Variants in GRIA3 observed in about 807,000 individuals in gnomAD.
GRIA3 encodes the protein glutamate receptor 3.
In GRIA3, 3 loss-of-function variants were observed where a neutral mutation model predicts 63.0. The observed-to-expected ratio is 0.05, with a 90% CI of 0.02 to 0.12. GRIA3 has a LOEUF of 0.12. Ranked by LOEUF, GRIA3 falls within the 10% of genes least tolerant of loss-of-function variation. The pLI is 1.00. For missense variants in GRIA3, 347 were observed against 700.9 expected (o/e 0.50, Z 5.70); for synonymous variants, 274 against 257.9 (o/e 1.06, Z -0.60).
At chrX:123,333,603 A>C (rs781370146) in intron 4 of GRIA3, among the ~76,000 whole-genome samples, 1 of 112,271 alleles carries the variant, frequency 8.9e-6, no homozygotes, top group South Asian at 3.7e-4. Flanking sequence ...TGATAGAATG[A>C]AAGATATTAG....
intron 5 of GRIA3, among the ~76,000 whole-genome samples, chrX:123,387,628 A>G (rs139517486): frequency 0.014 from 1,612 of 111,548 alleles, 35 homozygotes; most frequent in African/African-American, 0.05. Context: ...GTTTGTTGAG[A>G]GTTTTTATTA....
chrX:123,323,111 T>C (rs1308487298), intron 3 of GRIA3, among the ~76,000 whole-genome samples: 1 of 111,971 alleles, frequency 8.9e-6, no homozygotes, highest in East Asian at 2.8e-4. Flanking sequence ...CAGAAAATAA[T>C]ACCTGCTTCT....
Position 123,481,843 on chromosome X carries a change from GCA to G in GRIA3, c.2440-953_2440-952del, listed in dbSNP as rs1262814516. On this transcript the variant is annotated intron_variant, in intron 14 of 15. Coordinates refer to ENST00000620443, the MANE Select transcript of GRIA3 (RefSeq NM_007325.5). Reference sequence around the variant, plus strand: ...ACAGGCAGATAGCTTAGTCAGATTTGCACAGTTTGACCTGAAAGTCACTGACC... The same window carrying G: ...ACAGGCAGATAGCTTAGTCAGATTTGCAGTTTGACCTGAAAGTCACTGACC... Among the ~76,000 whole-genome samples the G allele has an allele frequency of 6.3e-5, 7 of 111,826 alleles. No individual in the cohort carries two copies. In the East Asian group the frequency reaches 2.0e-3, roughly 31 times the overall value.
At chrX:123,212,587 T>C (rs1305020870) in intron 2 of GRIA3, among the ~76,000 whole-genome samples, 1 of 111,903 alleles carries the variant, frequency 8.9e-6, no homozygotes, top group Non-Finnish European at 1.9e-5. Context: ...GAGTTTGCTG[T>C]TGTGTGCCAA....
intron 2 of GRIA3, among the ~76,000 whole-genome samples, chrX:123,247,839 C>T (rs922366411): frequency 1.8e-5 from 2 of 111,280 alleles, no homozygotes; most frequent in Non-Finnish European, 3.8e-5. Context: ...GGGAGGATAA[C>T]ACAATAGAGC....
At chrX:123,442,506 T>C (rs569411) in intron 12 of GRIA3, among the ~76,000 whole-genome samples, 22,950 of 110,827 alleles carry the variant, frequency 0.21, 1,686 homozygotes, top group South Asian at 0.28. Flanking sequence ...AATCCATAGA[T>C]AAAATGAGCT....
At chrX:123,374,044 G>C (rs1230449245) in intron 5 of GRIA3, among the ~76,000 whole-genome samples, 1 of 111,829 alleles carries the variant, frequency 8.9e-6, no homozygotes, top group East Asian at 2.8e-4. Flanking sequence ...AGGGTGTAAG[G>C]AAGGGATCCA....
At position 123,184,555 on chromosome X, in the gene GRIA3, T is replaced by G; in HGVS notation, c.20T>G (p.Met7Arg). MARQKK[M>R]GQSVLRAVFF... is the part of the protein sequence containing the mutation. ...CGTAGCATGGCCAGGCAGAAGAAAATGGGGCAAAGCGTGCTCCGGGCGGTC... is the reference window on the plus strand; with the variant it reads ...CGTAGCATGGCCAGGCAGAAGAAAAGGGGGCAAAGCGTGCTCCGGGCGGTC... The change falls in exon 1 of 16, where the codon ATG becomes AGG. Residue 7 changes from methionine to arginine, a missense_variant. Around this residue, in one of 8 missense-constraint regions of GRIA3, gnomAD observed 36 missense variants for 28.2 expected, o/e 1.28. Transcript: ENST00000620443. 2 of 1,208,850 alleles carry G rather than the reference T, an allele frequency of 1.7e-6. No individual in the cohort carries two copies. The highest frequency in any genetic ancestry group is 1.8e-5 in the South Asian group (1 of 56,848).
intron 2 of GRIA3, among the ~76,000 whole-genome samples, chrX:123,199,632 C>A (rs915713622): frequency 9.0e-6 from 1 of 111,717 alleles, no homozygotes; most frequent in Non-Finnish European, 1.9e-5. Context: ...CCAACATAAT[C>A]CTTATTCTCT....
rs2045827255 is a variant in GRIA3 at position 123,465,017 on chromosome X, C to T, written c.2229C>T (p.Tyr743=). 1 of 1,209,508 alleles carries T rather than the reference C, an allele frequency of 8.3e-7. No homozygotes were observed. The highest frequency in any genetic ancestry group is 1.1e-6 in the Non-Finnish European group (1 of 893,722). ...AFLLESTMNE[Y]IEQRKPCDTM... ...TGCTGGAGTCAACCATGAATGAGTA[C>T]ATTGAGCAGAGAAAACCATGTGATA... Residue 743 remains tyrosine, a synonymous_variant, in exon 13 of 16, where the codon TAC becomes TAT. Transcript: ENST00000620443.
intron 11 of GRIA3, among the ~76,000 whole-genome samples, chrX:123,426,477 T>C (rs2045590434): frequency 8.9e-6 from 1 of 111,979 alleles, no homozygotes; most frequent in Non-Finnish European, 1.9e-5. Flanking sequence ...AGGGTTATGA[T>C]TTAATTGGTC....
At chrX:123,242,820 C>T (rs1280322951) in intron 2 of GRIA3, among the ~76,000 whole-genome samples, 1 of 112,583 alleles carries the variant, frequency 8.9e-6, no homozygotes, top group Non-Finnish European at 1.9e-5. Context: ...CGGCCCAAGG[C>T]CATATAGCCA....
Position 123,482,779 on chromosome X carries a change from A to G in GRIA3, c.2440-20A>G. On this transcript the variant is annotated intron_variant, in intron 14 of 15. Transcript: ENST00000620443. ...CCTTTGTTTTCCCCAAGATCTAATC[A>G]CGTTGTTCATTTCTCTTAGGACAAG... 8.3e-7 allele frequency: 1 copy of G among 1,209,264 alleles called. No individual in the cohort carries two copies. Among genetic ancestry groups the G allele is most frequent in the Non-Finnish European group, 1.1e-6 (1 of 893,074 alleles).
intron 4 of GRIA3, among the ~76,000 whole-genome samples, chrX:123,346,588 A>G (rs2045051297): frequency 8.9e-6 from 1 of 112,743 alleles, no homozygotes; most frequent in Non-Finnish European, 1.9e-5. Flanking sequence ...GCTACAGGAA[A>G]AATTTCTCTA....
chrX:123,226,209 C>G (rs2044246006), intron 2 of GRIA3, among the ~76,000 whole-genome samples: 1 of 111,385 alleles, frequency 9.0e-6, no homozygotes, highest in Non-Finnish European at 1.9e-5. Flanking sequence ...TCATCTTCAT[C>G]ATCATTATCA....
At chrX:123,218,841 T>C (rs1015048883) in intron 2 of GRIA3, among the ~76,000 whole-genome samples, 3 of 111,771 alleles carry the variant, frequency 2.7e-5, no homozygotes, top group African/African-American at 9.8e-5. Flanking sequence ...ACAAGAATCT[T>C]TCCTATGAGG....
chrX:123,475,044 C>A (rs1415018939), intron 13 of GRIA3, among the ~76,000 whole-genome samples: 1 of 112,377 alleles, frequency 8.9e-6, no homozygotes, highest in Non-Finnish European at 1.9e-5. Flanking sequence ...AAAAAACAGA[C>A]AGATGTAATT....
rs148162078 is a variant in GRIA3, at chrX:123,255,038, T to C, written c.508+1496T>C. 2.0e-4 allele frequency among the ~76,000 whole-genome samples: 22 copies of C among 112,153 alleles called. No homozygotes were observed. The East Asian group carries it at 5.8e-3, about 30-fold the overall frequency. ...TCCAATCCTGTGATACATACATATA[T>C]AATATGGTTTCAAGGGGGTGTGTAC... On this transcript the variant is annotated intron_variant, in intron 3 of 15. Transcript: ENST00000620443.
In GRIA3 at chrX:123,422,152, G is replaced by A. The variant is rs749186128; in HGVS notation, c.1877+4374G>A. Among the ~76,000 whole-genome samples, 3 of 111,923 alleles carry A rather than the reference G, an allele frequency of 2.7e-5. No homozygotes were observed. In the South Asian group the frequency reaches 1.1e-3, roughly 42 times the overall value. ...TCTAAAGAAACTCTACCTTTTTTCT[G>A]GTTTGCAATGAAAGAAGGCAGTGAG... On this transcript the variant is annotated intron_variant, in intron 11 of 15. Coordinates refer to ENST00000620443, the MANE Select transcript of GRIA3 (RefSeq NM_007325.5).
Sources: gnomAD v4.1 joint callset for allele counts (sites outside exome capture counted in the v4.1 genomes callset) on GRCh38, gnomAD v4.1.1 for gene constraint, gnomAD v4.1.1 regional missense constraint, MANE v1.5 for transcripts, NCBI Gene and HGNC (gene_info 2026-07-23, HGNC 2026-07-21) for gene names.